Variants in GPN3 observed in about 807,000 individuals in gnomAD.
GPN3 encodes the protein GPN-loop GTPase 3.
GPN3 carries 31 observed loss-of-function variants against 38.7 expected under a neutral mutation model. The ratio of observed to expected loss-of-function variants is 0.80; its 90% CI spans 0.60 to 1.08. GPN3 has a LOEUF of 1.08. GPN3 is among the 50% of genes least tolerant of loss of function. The probability of loss-of-function intolerance (pLI) is 0.00; values close to 1 mark genes in which losing one functional copy is unlikely to be tolerated. For synonymous variants in GPN3, 116 were observed against 120.2 expected, an observed-to-expected ratio of 0.96 and a Z score of 0.23; for missense variants, 301 against 354.4, an observed-to-expected ratio of 0.85 and a Z score of 1.21.
At chr12:110,463,009 GC>G (rs1376867390) in intron 2 of GPN3, among the ~76,000 whole-genome samples, 9 of 152,170 alleles carry the variant, frequency 5.9e-5, no homozygotes, top group Admixed American at 5.9e-4. Flanking sequence ...GCCTGCCTCG[GC>G]CTCCCAAAGT....
At chr12:110,459,596 G>A in intron 3 of GPN3, 99 bp downstream of exon 3, 2 of 836,390 alleles carry the variant, frequency 2.4e-6, no homozygotes, top group Non-Finnish European at 4.0e-6. Context: ...CTTTACTGCA[G>A]TATAGTTTAG....
chr12:110,467,996 A>C, intron 1 of GPN3, 160 bp downstream of exon 1: 2 of 1,040,854 alleles, frequency 1.9e-6, no homozygotes, highest in East Asian at 4.8e-5. Context: ...TTCCCTTTCA[A>C]AACAACAACA....
chr12:110,459,461 C>G lies in GPN3; in HGVS notation c.325+234G>C, dbSNP rs538505883. ...TTCACCATGTTAGCCAGGATGGTCT[C>G]GATCTCCTGACCTCGTGATCCACCT... On this transcript the variant is annotated intron_variant, in intron 3 of 7. Coordinates refer to ENST00000228827, the MANE Select transcript of GPN3 (RefSeq NM_016301.4). Among the ~76,000 whole-genome samples, 5 of 152,198 alleles carry G rather than the reference C, an allele frequency of 3.3e-5. No homozygotes were observed. The South Asian group carries it at 1.0e-3, about 32-fold the overall frequency.
chr12:110,456,602 A>G (rs2062551465), intron 4 of GPN3, among the ~76,000 whole-genome samples: 1 of 152,096 alleles, frequency 6.6e-6, no homozygotes, highest in South Asian at 2.1e-4. Context: ...GGTAGTTCAT[A>G]AACTGGACAA....
At chr12:110,455,973 C>A in intron 4 of GPN3, 43 bp from the exon 5 acceptor site, 2 of 981,030 alleles carry the variant, frequency 2.0e-6, no homozygotes, top group Non-Finnish European at 1.7e-6. Context: ...TGACTGTTGC[C>A]AACAGTTACC....
intron 1 of GPN3, 55 bp downstream of exon 1, chr12:110,468,101 T>C (rs775139176): frequency 9.2e-5 from 149 of 1,613,630 alleles, no homozygotes; most frequent in Non-Finnish European, 3.8e-5. Flanking sequence ...CAGGACCCAA[T>C]CTCCCGCCTT....
At chr12:110,457,808 C>T (rs2062561132) in intron 3 of GPN3, among the ~76,000 whole-genome samples, 174 bp from the exon 4 acceptor site, 1 of 152,078 alleles carries the variant, frequency 6.6e-6, no homozygotes, top group Non-Finnish European at 1.5e-5. Context: ...CATAGGAATC[C>T]CTAACTATTA....
At chr12:110,459,564 C>T in intron 3 of GPN3, 131 bp downstream of exon 3, 1 of 703,836 alleles carries the variant, frequency 1.4e-6, no homozygotes, top group East Asian at 2.5e-5. Flanking sequence ...TAGTAAGTGA[C>T]AGCCATTGAA....
rs1335323969 is a variant in GPN3, at chr12:110,468,153, C to CA, written c.48+2dup. On this transcript the variant is annotated splice_region_variant and intron_variant, in intron 1 of 7. Transcript: ENST00000228827. ...TTCTCTCCTTGTCCCCGCAGATCCT[C>CA]ACCTTCCCGCTGCCCGCGGGGCCCA... 5 of 1,613,940 alleles carry CA rather than the reference C, an allele frequency of 3.1e-6. No homozygotes were observed. The highest frequency in any genetic ancestry group is 4.2e-6 in the Non-Finnish European group (5 of 1,180,038).
At chr12:110,461,291 C>T in intron 2 of GPN3, 1 of 1,289,374 alleles carries the variant, frequency 7.8e-7, no homozygotes, top group Non-Finnish European at 1.1e-6. Flanking sequence ...ACCAAATAAG[C>T]CATATACTTT....
At chr12:110,465,622 G>C (rs1056600786) in intron 1 of GPN3, among the ~76,000 whole-genome samples, 2 of 152,180 alleles carry the variant, frequency 1.3e-5, no homozygotes, top group African/African-American at 4.8e-5. Flanking sequence ...TCTCTGAGTA[G>C]GGGAGATATG....
chr12:110,456,814 C>T (rs1475009175), intron 4 of GPN3, among the ~76,000 whole-genome samples: 2 of 151,856 alleles, frequency 1.3e-5, no homozygotes, highest in African/African-American at 4.8e-5. Flanking sequence ...CCTCCCACTT[C>T]AGCTTCCCAA....
intron 6 of GPN3, among the ~76,000 whole-genome samples, chr12:110,455,288 A>C (rs1485027661): frequency 6.8e-6 from 1 of 148,144 alleles, no homozygotes; most frequent in African/African-American, 2.5e-5. Flanking sequence ...ATGCCCAGCT[A>C]ATTTTTTTTT....
Position 110,453,059 on chromosome 12 carries a change from T to C in GPN3, c.830A>G (p.Tyr277Cys). Residue 277 changes from tyrosine (Y) to cysteine (C), a missense_variant, in exon 8 of 8, where the codon TAT (tyrosine) becomes TGT (cysteine). Tyr to Cys is a radical substitution (Grantham distance 194, BLOSUM62 -2). Transcript: ENST00000228827. ...EDESSSMFDEYFQECQDE is the reference protein window; with the variant it reads ...EDESSSMFDECFQECQDE ...TCATTCATCCTGGCATTCTTGAAAA[T>C]ATTCGTCAAACATAGAGGAAGACTC... The C allele has an allele frequency of 1.4e-6, 2 of 1,479,408 alleles. No individual in the cohort carries two copies. Among genetic ancestry groups the C allele is most frequent in the East Asian group, 2.3e-5 (1 of 44,284 alleles). 91.6% of individuals were successfully genotyped at this position (1,479,408 alleles called of 1,614,324 possible).
intron 2 of GPN3, chr12:110,461,359 T>C (rs2062588186): frequency 4.2e-6 from 3 of 716,204 alleles, no homozygotes; most frequent in Non-Finnish European, 5.0e-6. Context: ...CGATGAGAAC[T>C]AATCACTGAT....
At chr12:110,467,095 C>A (rs1412293239) in intron 1 of GPN3, among the ~76,000 whole-genome samples, 1 of 152,022 alleles carries the variant, frequency 6.6e-6, no homozygotes, top group African/African-American at 2.4e-5. Flanking sequence ...TTCAGGTAAT[C>A]CTCCCACTTC....
upstream of GPN3, chr12:110,468,645 C>T: frequency 6.5e-7 from 1 of 1,537,198 alleles, no homozygotes; most frequent in African/African-American, 1.4e-5. Context: ...ATGTATATTT[C>T]CCTCCTGTGA....
chr12:110,465,874 G>GTA (rs1297556450), intron 1 of GPN3, among the ~76,000 whole-genome samples: 7 of 152,010 alleles, frequency 4.6e-5, no homozygotes, highest in African/African-American at 4.8e-5. Flanking sequence ...GTCAGGAGTT[G>GTA]GAGACCAGCC....
At chr12:110,455,967 T>G in intron 4 of GPN3, 37 bp from the exon 5 acceptor site, 1 of 1,076,926 alleles carries the variant, frequency 9.3e-7, no homozygotes, top group Non-Finnish European at 1.4e-6. Context: ...ATGAACTGAC[T>G]GTTGCCAACA....
Sources: allele counts gnomAD v4.1 joint callset (sites outside exome capture counted in the v4.1 genomes callset), GRCh38; gene constraint gnomAD v4.1.1; transcripts MANE v1.5; gene names NCBI Gene and HGNC (gene_info 2026-07-23, HGNC 2026-07-21).